Variants in MBD5 observed in about 807,000 individuals in gnomAD.
The protein encoded by MBD5 is methyl-CpG binding domain protein 5.
MBD5 carries 13 observed loss-of-function variants against 117.3 expected under a neutral mutation model. The observed-to-expected ratio is 0.11, with a 90% CI of 0.07 to 0.18. The LOEUF (loss-of-function observed/expected upper bound fraction) is 0.18. MBD5 is among the 10% of genes least tolerant of loss of function. MBD5 has a pLI of 1.00. For synonymous variants in MBD5, 727 were observed against 766.4 expected (o/e 0.95, Z 0.85); for missense variants, 1,879 against 2,093.8 (o/e 0.90, Z 2.00).
intron 8 of MBD5, among the ~76,000 whole-genome samples, chr2:148,473,921 G>A (rs1680875953): frequency 1.3e-5 from 2 of 152,076 alleles, no homozygotes; most frequent in South Asian, 4.1e-4. Flanking sequence ...TACAGATAAA[G>A]TTTAATATTT....
chr2:148,446,648 A>G (rs570476005), intron 4 of MBD5, among the ~76,000 whole-genome samples: 7 of 138,422 alleles, frequency 5.1e-5, no homozygotes, highest in African/African-American at 1.6e-4. Context: ...GAAATACTTG[A>G]GCTTGCTATC....
chr2:148,405,449 G>A lies in MBD5; in HGVS notation c.-556-52754G>A, dbSNP rs147385160. Among the ~76,000 whole-genome samples, 12 of 152,276 alleles carry A rather than the reference G, an allele frequency of 7.9e-5. No homozygotes were observed. In the East Asian group the frequency reaches 1.4e-3, roughly 17 times the overall value. On this transcript the variant is annotated intron_variant, in intron 4 of 13. Coordinates refer to ENST00000642680, the MANE Select transcript of MBD5 (RefSeq NM_001378120.1). ...GAAGTGATGAGCAACAGCAGTTATC[G>A]GAAGAGCTGGAAGAGCATGCCAGGA...
intron 3 of MBD5, among the ~76,000 whole-genome samples, chr2:148,309,459 A>G (rs1161651864): frequency 1.3e-5 from 2 of 151,404 alleles, no homozygotes; most frequent in African/African-American, 4.8e-5. Flanking sequence ...TCTGTCTGTT[A>G]CTGGTGTATA....
At chr2:148,376,261 T>TC (rs988216484) in intron 4 of MBD5, among the ~76,000 whole-genome samples, 2 of 110,806 alleles carry the variant, frequency 1.8e-5, no homozygotes, top group Non-Finnish European at 3.5e-5. Flanking sequence ...TTCTTTTTTT[T>TC]CTTTTCTTTT....
intron 4 of MBD5, among the ~76,000 whole-genome samples, chr2:148,431,336 A>G (rs935226747): frequency 1.3e-5 from 2 of 152,090 alleles, no homozygotes; most frequent in Non-Finnish European, 2.9e-5. Context: ...AAACAACACA[A>G]CTCATATTGG....
At chr2:148,148,839 C>T (rs1404061341) in intron 1 of MBD5, among the ~76,000 whole-genome samples, 1 of 152,230 alleles carries the variant, frequency 6.6e-6, no homozygotes, top group African/African-American at 2.4e-5. Context: ...AACTTATCAT[C>T]TTCTACATTT....
intron 1 of MBD5, among the ~76,000 whole-genome samples, chr2:148,152,116 A>G (rs982650425): frequency 2.6e-5 from 4 of 151,832 alleles, no homozygotes; most frequent in Admixed American, 6.6e-5. Context: ...CTTTGAATGC[A>G]TCCCAGAGAT....
At chr2:148,493,936 G>A (rs1005406513) in intron 11 of MBD5, among the ~76,000 whole-genome samples, 2 of 152,142 alleles carry the variant, frequency 1.3e-5, no homozygotes, top group African/African-American at 4.8e-5. Flanking sequence ...TACCTAAGTG[G>A]TCATAGTAGG....
At chr2:148,486,017 G>A (rs1437022776) in intron 10 of MBD5, 67 bp downstream of exon 10, 2 of 1,509,462 alleles carry the variant, frequency 1.3e-6, no homozygotes, top group African/African-American at 1.4e-5. Context: ...ACTTAATTTG[G>A]GGGAAAGGGT....
intron 11 of MBD5, among the ~76,000 whole-genome samples, chr2:148,492,417 T>C (rs1186633428): frequency 1.3e-5 from 2 of 152,032 alleles, no homozygotes; most frequent in Non-Finnish European, 2.9e-5. Context: ...AGATATACTA[T>C]ATACTAAAAG....
intron 1 of MBD5, among the ~76,000 whole-genome samples, chr2:148,121,098 T>G (rs951837790): frequency 1.3e-5 from 2 of 152,216 alleles, no homozygotes; most frequent in African/African-American, 2.4e-5. Flanking sequence ...CATTGTCTAG[T>G]GCATCCGTTT....
At chr2:148,409,946 A>T (rs2105167409) in intron 4 of MBD5, among the ~76,000 whole-genome samples, 1 of 152,276 alleles carries the variant, frequency 6.6e-6, no homozygotes, top group Middle Eastern at 3.4e-3. Context: ...TCATTCCCCA[A>T]CTAATAGGAA....
chr2:148,501,191 TG>T (rs1456555452), intron 11 of MBD5, among the ~76,000 whole-genome samples: 2 of 152,244 alleles, frequency 1.3e-5, no homozygotes, highest in Non-Finnish European at 2.9e-5. Flanking sequence ...GAAAACTTCT[TG>T]TTAATCATAA....
chr2:148,051,659 G>T (rs1694707956), intron 1 of MBD5, among the ~76,000 whole-genome samples: 1 of 147,746 alleles, frequency 6.8e-6, no homozygotes, highest in South Asian at 2.2e-4. Flanking sequence ...TGTCATGAAA[G>T]GATGTTATAT....
At chr2:148,281,485 A>C (rs893838342) in intron 3 of MBD5, among the ~76,000 whole-genome samples, 3 of 151,686 alleles carry the variant, frequency 2.0e-5, no homozygotes, top group Non-Finnish European at 2.9e-5. Flanking sequence ...ATTCTTTTTT[A>C]AGATATTTCT....
rs1361505856 is a variant in MBD5 at position 148,021,500 on chromosome 2, T to G, written c.-1109T>G. The G allele has an allele frequency of 1.9e-5, 11 of 566,776 alleles. No homozygotes were observed. The Admixed American group carries it at 2.4e-4, about 12-fold the overall frequency. 35.1% of individuals were successfully genotyped at this position (566,776 alleles called of 1,614,324 possible). A position where few individuals can be genotyped will look rare whatever the true frequency, so the allele number is the denominator to read the frequency against. ...CTGCTGTTGCTGCTGCTGCTGCTAC[T>G]GCTGCTGCTGCTACTGCTGCTGCTT... On this transcript the variant is annotated 5_prime_UTR_variant, in exon 1 of 14. Transcript: ENST00000642680.
At chr2:148,451,527 T>C (rs1173080459) in intron 4 of MBD5, among the ~76,000 whole-genome samples, 1 of 152,036 alleles carries the variant, frequency 6.6e-6, no homozygotes, top group African/African-American at 2.4e-5. Flanking sequence ...AGGGGAAATG[T>C]CATTTAGGGT....
Position 148,046,615 on chromosome 2 carries a change from C to T in MBD5, c.-925+24931C>T, listed in dbSNP as rs569109322. ...CTCCATAGTCAGCCTATCACCAAAT[C>T]GTATAGAATTGTTTTCCTTCCTAAT... On this transcript the variant is annotated intron_variant, in intron 1 of 13. Coordinates refer to ENST00000642680, the MANE Select transcript of MBD5 (RefSeq NM_001378120.1). 8.5e-5 allele frequency among the ~76,000 whole-genome samples: 13 copies of T among 152,240 alleles called. No homozygotes were observed. The South Asian group carries it at 1.9e-3, about 22-fold the overall frequency.
At chr2:148,477,122 G>C (rs931118264) in intron 8 of MBD5, among the ~76,000 whole-genome samples, 2 of 151,948 alleles carry the variant, frequency 1.3e-5, no homozygotes, top group Non-Finnish European at 2.9e-5. Context: ...ATTATGGGGA[G>C]GGGGGAAGAA....
Sources: gnomAD v4.1 joint callset for allele counts (sites outside exome capture counted in the v4.1 genomes callset) on GRCh38, gnomAD v4.1.1 for gene constraint, MANE v1.5 for transcripts, NCBI Gene and HGNC (gene_info 2026-07-23, HGNC 2026-07-21) for gene names.